The following FLI1 variants were observed in gnomAD, a reference collection of about 807,000 sequenced individuals.
FLI1 encodes the protein Friend leukemia integration 1 transcription factor.
A neutral mutation model predicts 53.1 loss-of-function variants in FLI1; 13 were observed. That is an observed-to-expected ratio of 0.24 (90% CI 0.16 to 0.39). FLI1 has a LOEUF of 0.39. Ranked by LOEUF, FLI1 falls within the 10% of genes least tolerant of loss-of-function variation. The pLI is 1.00. For synonymous variants in FLI1, 244 were observed against 236.7 expected (o/e 1.03, Z -0.28); for missense variants, 424 against 600.5 (o/e 0.71, Z 3.07).
At chr11:128,705,565 T>A (rs1427767244) in intron 1 of FLI1, among the ~76,000 whole-genome samples, 1 of 152,224 alleles carries the variant, frequency 6.6e-6, no homozygotes, top group East Asian at 1.9e-4. Context: ...GGAGGTTATA[T>A]AAAACACAAA....
At chr11:128,739,124 A>G (rs79002960) in intron 1 of FLI1, among the ~76,000 whole-genome samples, 8,531 of 152,166 alleles carry the variant, frequency 0.056, 769 homozygotes, top group African/African-American at 0.2. Flanking sequence ...GGAGGCTTCA[A>G]AGGCTGAGGG....
At chr11:128,807,300 G>A in intron 7 of FLI1, 61 bp downstream of exon 7, 1 of 1,173,302 alleles carries the variant, frequency 8.5e-7, no homozygotes, top group South Asian at 1.5e-5. Flanking sequence ...ATTTCACATG[G>A]TCAACTGATG....
chr11:128,789,796 G>C (rs1942210619), intron 5 of FLI1, among the ~76,000 whole-genome samples: 1 of 152,086 alleles, frequency 6.6e-6, no homozygotes. Context: ...TGGAACATGT[G>C]TACCCAAAGG....
chr11:128,701,343 T>C (rs1373593668), intron 1 of FLI1, among the ~76,000 whole-genome samples: 1 of 151,862 alleles, frequency 6.6e-6, no homozygotes, highest in Non-Finnish European at 1.5e-5. Context: ...AAAAAAAGTC[T>C]CTCTAAAACT....
intron 1 of FLI1, among the ~76,000 whole-genome samples, chr11:128,755,951 T>C (rs1940842394): frequency 6.6e-6 from 1 of 152,216 alleles, no homozygotes; most frequent in South Asian, 2.1e-4. Context: ...TATGGCTGTC[T>C]GTCCGCTGGG....
intron 1 of FLI1, among the ~76,000 whole-genome samples, chr11:128,698,262 C>G (rs915303009): frequency 6.6e-6 from 1 of 152,230 alleles, no homozygotes; most frequent in African/African-American, 2.4e-5. Flanking sequence ...CCCTCTACCA[C>G]ACACACCTTG....
chr11:128,709,471 C>A (rs1435973546), intron 1 of FLI1, among the ~76,000 whole-genome samples: 2 of 152,078 alleles, frequency 1.3e-5, no homozygotes, highest in African/African-American at 2.4e-5. Context: ...AGACACCATC[C>A]CCTACAAATG....
chr11:128,717,581 C>T (rs568712484), intron 1 of FLI1, among the ~76,000 whole-genome samples: 1 of 152,280 alleles, frequency 6.6e-6, no homozygotes, highest in East Asian at 1.9e-4. Flanking sequence ...GGTTTATAAA[C>T]ATCCCCTTTA....
chr11:128,721,973 G>T (rs1196139375), intron 1 of FLI1, among the ~76,000 whole-genome samples: 2 of 152,158 alleles, frequency 1.3e-5, no homozygotes. Context: ...TGGTCATCTT[G>T]AGTAGTGGGA....
intron 1 of FLI1, among the ~76,000 whole-genome samples, chr11:128,726,683 C>G (rs1247133563): frequency 6.6e-6 from 1 of 152,082 alleles, no homozygotes; most frequent in Non-Finnish European, 1.5e-5. Context: ...CAGACAGAGA[C>G]AGAGGAGGCC....
rs1942950981 is a variant in FLI1, at chr11:128,812,054, T to C, written c.*1066T>C. On this transcript the variant is annotated 3_prime_UTR_variant, in exon 9 of 9. Coordinates refer to ENST00000527786, the MANE Select transcript of FLI1 (RefSeq NM_002017.5). ...TGGTTTTTAAAAAGCATAATATGCC[T>C]ATAGCTGAAAAGGAAACAGGGCTGT... The C allele has an allele frequency of 4.8e-6, 1 of 206,470 alleles. No individual in the cohort carries two copies. Among genetic ancestry groups the C allele is most frequent in the African/African-American group, 2.3e-5 (1 of 43,850 alleles). 12.8% of individuals were successfully genotyped at this position (206,470 alleles called of 1,614,324 possible).
In FLI1 at chr11:128,797,714, G is replaced by C. The variant is rs545711171; in HGVS notation, c.656-7652G>C. Among the ~76,000 whole-genome samples, 3 of 152,314 alleles carry C rather than the reference G, an allele frequency of 2.0e-5. No homozygotes were observed. In the South Asian group the frequency reaches 6.2e-4, roughly 32 times the overall value. ...AAAACATTGTTGAATGAATAAATGTGTGGTGGGACATAAGGCATCAATTAA... is the reference window on the plus strand; with the variant it reads ...AAAACATTGTTGAATGAATAAATGTCTGGTGGGACATAAGGCATCAATTAA... On this transcript the variant is annotated intron_variant, in intron 5 of 8. Coordinates refer to ENST00000527786, the MANE Select transcript of FLI1 (RefSeq NM_002017.5).
intron 1 of FLI1, among the ~76,000 whole-genome samples, chr11:128,753,089 C>A (rs914046274): frequency 6.6e-6 from 1 of 152,186 alleles, no homozygotes; most frequent in Non-Finnish European, 1.5e-5. Flanking sequence ...CACTTCCCTG[C>A]CTGGAACAAG....
At chr11:128,770,265 T>C (rs1941503913) in intron 3 of FLI1, among the ~76,000 whole-genome samples, 1 of 152,244 alleles carries the variant, frequency 6.6e-6, no homozygotes, top group Admixed American at 6.5e-5. Flanking sequence ...TCATGTCAAA[T>C]GATTTTCAAA....
intron 5 of FLI1, among the ~76,000 whole-genome samples, chr11:128,787,333 G>A (rs1942119960): frequency 1.3e-5 from 2 of 152,176 alleles, no homozygotes; most frequent in African/African-American, 4.8e-5. Flanking sequence ...AAGGCACAGA[G>A]AGATTTCAGG....
intron 1 of FLI1, among the ~76,000 whole-genome samples, chr11:128,749,479 C>T (rs561869201): frequency 5.3e-5 from 8 of 152,048 alleles, no homozygotes; most frequent in African/African-American, 1.4e-4. Context: ...AGCATGGTGG[C>T]GATTTCCACG....
intron 5 of FLI1, among the ~76,000 whole-genome samples, chr11:128,800,650 T>G (rs1942608823): frequency 6.6e-6 from 1 of 152,230 alleles, no homozygotes; most frequent in Non-Finnish European, 1.5e-5. Flanking sequence ...TCCATGCTCA[T>G]ATTTCTCTAC....
intron 1 of FLI1, among the ~76,000 whole-genome samples, chr11:128,753,775 C>T (rs1307200584): frequency 1.3e-5 from 2 of 152,174 alleles, no homozygotes; most frequent in African/African-American, 4.8e-5. Context: ...ATCAAGTTGC[C>T]CAGACTCATT....
intron 5 of FLI1, among the ~76,000 whole-genome samples, chr11:128,798,535 C>T (rs1942512748): frequency 6.6e-6 from 1 of 152,166 alleles, no homozygotes; most frequent in Non-Finnish European, 1.5e-5. Flanking sequence ...CATCTAATAT[C>T]TTCAACAGTA....
Sources: allele counts gnomAD v4.1 joint callset (sites outside exome capture counted in the v4.1 genomes callset), GRCh38; gene constraint gnomAD v4.1.1; transcripts MANE v1.5; gene names NCBI Gene and HGNC (gene_info 2026-07-23, HGNC 2026-07-21).